Variants in SERINC5 observed in about 807,000 individuals in gnomAD.
SERINC5 encodes the protein chromosome 5 open reading frame 12.
A neutral mutation model predicts 63.1 loss-of-function variants in SERINC5; 41 were observed. The observed-to-expected ratio is 0.65, with a 90% CI of 0.51 to 0.84. The LOEUF is 0.84. SERINC5 is among the 40% of genes least tolerant of loss of function. SERINC5 has a pLI of 0.00. For missense variants in SERINC5, 523 were observed against 573.0 expected, an observed-to-expected ratio of 0.91 and a Z score of 0.89; for synonymous variants, 222 against 215.2, an observed-to-expected ratio of 1.03 and a Z score of -0.28.
intron 1 of SERINC5, among the ~76,000 whole-genome samples, chr5:80,228,537 C>A (rs570029128): frequency 1.3e-5 from 2 of 152,036 alleles, no homozygotes; most frequent in Non-Finnish European, 2.9e-5. Flanking sequence ...CTCTTTGGAG[C>A]CTTGAACTCC....
chr5:80,183,894 G>GC (rs139617573), intron 2 of SERINC5, among the ~76,000 whole-genome samples: 5,318 of 152,270 alleles, frequency 0.035, 327 homozygotes, highest in African/African-American at 0.12. Context: ...ACACCGACGC[G>GC]CATGAAAGGA....
chr5:80,195,120 C>T (rs578095967), intron 2 of SERINC5, among the ~76,000 whole-genome samples: 2 of 152,160 alleles, frequency 1.3e-5, no homozygotes, highest in Non-Finnish European at 1.5e-5. Flanking sequence ...AACCCTTTCT[C>T]TACTAAAAAT....
intron 1 of SERINC5, among the ~76,000 whole-genome samples, chr5:80,215,810 C>T (rs1033001978): frequency 3.9e-5 from 6 of 152,142 alleles, no homozygotes; most frequent in African/African-American, 1.4e-4. Flanking sequence ...CTGAAATGGG[C>T]AAGAAGAGGC....
intron 2 of SERINC5, chr5:80,198,676 G>C: frequency 1.0e-6 from 1 of 985,404 alleles, no homozygotes; most frequent in Non-Finnish European, 1.2e-6. Flanking sequence ...CCTACAAGGG[G>C]ACCTTTCAAC....
At chr5:80,200,455 C>T (rs1749763279) in intron 2 of SERINC5, among the ~76,000 whole-genome samples, 1 of 150,344 alleles carries the variant, frequency 6.7e-6, no homozygotes, top group Non-Finnish European at 1.5e-5. Flanking sequence ...CACTGCGCTC[C>T]AGCCTGGGCG....
At chr5:80,185,468 T>C (rs1178047903) in intron 2 of SERINC5, among the ~76,000 whole-genome samples, 1 of 152,140 alleles carries the variant, frequency 6.6e-6, no homozygotes, top group Admixed American at 6.5e-5. Context: ...GTCATTAAGT[T>C]AACTTCTTTA....
chr5:80,169,840 A>C lies in SERINC5; in HGVS notation c.552-294T>G, dbSNP rs560802138. ...TCATTCATTAAAATGAATAATGTCA[A>C]CCCAAATGAGAGACTGAGGCAACAG... is the stretch of plus-strand genomic sequence containing the variant. On this transcript the variant is annotated intron_variant, in intron 5 of 11. Transcript: ENST00000507668. Among the ~76,000 whole-genome samples, 470 of 152,284 alleles carry C rather than the reference A, an allele frequency of 3.1e-3. 2 individuals are homozygous for C. Among genetic ancestry groups the C allele is most frequent in the South Asian group, 0.016 (78 of 4,824 alleles).
In SERINC5 at chr5:80,143,427, A is replaced by G; in HGVS notation, c.*236T>C. 5 of 1,272,884 alleles carry G rather than the reference A, an allele frequency of 3.9e-6. No individual in the cohort carries two copies. Among genetic ancestry groups the G allele is most frequent in the Non-Finnish European group, 5.0e-6 (5 of 1,009,192 alleles). The allele number at this position is 1,272,884 out of a possible 1,614,324, so 78.8% of individuals were successfully genotyped here. A position where few individuals can be genotyped will look rare whatever the true frequency, so the allele number is the denominator to read the frequency against. On this transcript the variant is annotated 3_prime_UTR_variant, in exon 12 of 12. Coordinates refer to ENST00000507668, the MANE Select transcript of SERINC5 (RefSeq NM_001174072.3). The stretch of plus-strand genomic sequence containing the variant: ...AACTGGTATCCAGTTCCTAGGGGTA[A>G]GATATTTCAACCATGATCAGTTTGG...
intron 4 of SERINC5, among the ~76,000 whole-genome samples, chr5:80,176,404 C>G (rs976936785): frequency 6.6e-6 from 1 of 152,100 alleles, no homozygotes; most frequent in Non-Finnish European, 1.5e-5. Context: ...TATGGCTGTT[C>G]CTTATAAACT....
intron 1 of SERINC5, among the ~76,000 whole-genome samples, chr5:80,204,272 C>T (rs1338699144): frequency 2.0e-5 from 3 of 152,132 alleles, no homozygotes; most frequent in African/African-American, 7.2e-5. Flanking sequence ...GTATGGAAGG[C>T]CTAGATTTGC....
chr5:80,165,675 G>A (rs985489371), intron 7 of SERINC5, among the ~76,000 whole-genome samples: 2 of 152,072 alleles, frequency 1.3e-5, no homozygotes, highest in African/African-American at 4.8e-5. Context: ...GTAAATCATG[G>A]ATCTGTGCTC....
At chr5:80,222,588 T>TGTGTG (rs1750963263) in intron 1 of SERINC5, among the ~76,000 whole-genome samples, 1 of 70,864 alleles carries the variant, frequency 1.4e-5, no homozygotes, top group Non-Finnish European at 2.8e-5. Context: ...GTGTGTGTGT[T>TGTGTG]TGAGACGGAG....
intron 11 of SERINC5, among the ~76,000 whole-genome samples, chr5:80,130,387 A>G (rs1247637441): frequency 6.6e-6 from 1 of 152,152 alleles, no homozygotes; most frequent in African/African-American, 2.4e-5. Flanking sequence ...CTCAAAAAAA[A>G]AAAAGAAGGC....
At chr5:80,213,435 C>T (rs1231631173) in intron 1 of SERINC5, among the ~76,000 whole-genome samples, 1 of 152,070 alleles carries the variant, frequency 6.6e-6, no homozygotes, top group Non-Finnish European at 1.5e-5. Context: ...TCACAGAGCC[C>T]GCAAGTACTA....
intron 2 of SERINC5, among the ~76,000 whole-genome samples, chr5:80,184,238 TC>T (rs1748661403): frequency 6.6e-6 from 1 of 152,146 alleles, no homozygotes; most frequent in South Asian, 2.1e-4. Flanking sequence ...ATTATTTTCT[TC>T]CCCACCTTCT....
chr5:80,125,817 G>A (rs1346664966), intron 11 of SERINC5, among the ~76,000 whole-genome samples: 1 of 152,174 alleles, frequency 6.6e-6, no homozygotes, highest in Non-Finnish European at 1.5e-5. Flanking sequence ...TCAAGAAAAG[G>A]ACATGCAGTG....
intron 5 of SERINC5, among the ~76,000 whole-genome samples, chr5:80,173,324 A>G (rs376356484): frequency 2.1e-4 from 32 of 152,250 alleles, no homozygotes; most frequent in African/African-American, 5.1e-4. Context: ...AGCCGGGTGC[A>G]GTGGCTCACG....
intron 11 of SERINC5, among the ~76,000 whole-genome samples, chr5:80,122,007 T>C (rs951742637): frequency 7.2e-5 from 11 of 151,960 alleles, no homozygotes; most frequent in African/African-American, 2.2e-4. Flanking sequence ...ATCCAAACCA[T>C]ATCAGTCAGG....
chr5:80,233,540 A>G (rs1235832778), intron 1 of SERINC5, among the ~76,000 whole-genome samples: 1 of 152,214 alleles, frequency 6.6e-6, no homozygotes, highest in Non-Finnish European at 1.5e-5. Context: ...TCTGCTCATT[A>G]GAGAAGTGCA....
Sources: allele counts gnomAD v4.1 joint callset (sites outside exome capture counted in the v4.1 genomes callset), GRCh38; gene constraint gnomAD v4.1.1; transcripts MANE v1.5; gene names NCBI Gene and HGNC (gene_info 2026-07-23, HGNC 2026-07-21).